The following THBS1 variants were observed in gnomAD, a reference collection of about 807,000 sequenced individuals.
THBS1 encodes thrombospondin 1, also known as thrombospondin-1.
A neutral mutation model predicts 126.1 loss-of-function variants in THBS1; 29 were observed. That is an observed-to-expected ratio of 0.23 (90% CI 0.17 to 0.31). THBS1 has a LOEUF of 0.31. Among genes scored for constraint, THBS1 ranks in the 10% least tolerant of loss-of-function variants. The pLI is 1.00. For missense variants in THBS1, 1,198 were observed against 1,545.2 expected, an observed-to-expected ratio of 0.78 and a Z score of 3.77; for synonymous variants, 496 against 577.8, an observed-to-expected ratio of 0.86 and a Z score of 2.03.
intron 16 of THBS1, 111 bp downstream of exon 16, chr15:39,591,734 C>T: frequency 9.7e-7 from 1 of 1,026,866 alleles, no homozygotes; most frequent in East Asian, 2.4e-5. Flanking sequence ...TACTGTGGCT[C>T]CCTGGCTTCT....
chr15:39,591,717 CT>C (rs777416835), intron 16 of THBS1, 94 bp downstream of exon 16: 42 of 1,168,336 alleles, frequency 3.6e-5, no homozygotes, highest in Non-Finnish European at 4.8e-5. Context: ...AGTTCAAACA[CT>C]TTCATTACTG....
intron 9 of THBS1, 38 bp downstream of exon 9, chr15:39,588,256 G>A (rs1275983901): frequency 6.3e-7 from 1 of 1,599,672 alleles, no homozygotes; most frequent in African/African-American, 1.3e-5. Context: ...AGCATGGGCA[G>A]CAGCTCTGCC....
intron 6 of THBS1, among the ~76,000 whole-genome samples, chr15:39,584,742 A>AT (rs5812128): frequency 0.38 from 57,902 of 151,292 alleles, 13,107 homozygotes; most frequent in African/African-American, 0.64. Flanking sequence ...TGGAACATTC[A>AT]TTTTTTTTTC....
At position 39,594,230 on chromosome 15, in the gene THBS1, C is replaced by A. The variant is rs368548043; in HGVS notation, c.3365+34C>A. ...ATACTGATTCACTTTCACTTACAGT[C>A]ACACTGAGGGACAAAAAGACAAAAA... On this transcript the variant is annotated intron_variant, in intron 20 of 21. Transcript: ENST00000260356. This position sits in a 1 kb window ranked among gnomAD's most constrained non-coding sequence, Gnocchi z 4.4. The A allele has an allele frequency of 2.5e-6, 4 of 1,613,744 alleles. No homozygotes were observed. The highest frequency in any genetic ancestry group is 3.4e-6 in the Non-Finnish European group (4 of 1,179,716).
In THBS1 at chr15:39,599,330, A is replaced by C. The variant is rs1595518348; in HGVS notation, c.*3961A>C. 1 of 152,180 alleles carries C rather than the reference A, an allele frequency of 6.6e-6. No individual in the cohort carries two copies. 9.4% of individuals were successfully genotyped at this position (152,180 alleles called of 1,614,324 possible). Reference sequence around the variant, plus strand: ...AATGGTCCCACCTCTTTTATGGCAGAATTCATTACTTAAAATAACTCTATT... The same window carrying C: ...AATGGTCCCACCTCTTTTATGGCAGCATTCATTACTTAAAATAACTCTATT... On this transcript the variant is annotated 3_prime_UTR_variant, in exon 22 of 22. Coordinates refer to ENST00000260356, the MANE Select transcript of THBS1 (RefSeq NM_003246.4).
intron 21 of THBS1, 33 bp from the exon 22 acceptor site, chr15:39,595,329 T>C: frequency 7.6e-7 from 1 of 1,324,502 alleles, no homozygotes; most frequent in Non-Finnish European, 1.0e-6. Context: ...TAGTTTTCAT[T>C]TGTATATTTA....
In THBS1 at chr15:39,594,538, T is replaced by C. The variant is rs1041285351; in HGVS notation, c.3505+98T>C. On this transcript the variant is annotated intron_variant, in intron 21 of 21. Transcript: ENST00000260356. The surrounding 1 kb of genome is among the most constrained non-coding windows in gnomAD (Gnocchi z 4.4). ...GGGGAGTCCAGTGTAAAGACTGTTTTGGAGACAGGGTTATTTCTATTTTGC... is the reference window on the plus strand; with the variant it reads ...GGGGAGTCCAGTGTAAAGACTGTTTCGGAGACAGGGTTATTTCTATTTTGC... 1 of 1,489,586 alleles carries C rather than the reference T, an allele frequency of 6.7e-7. No homozygotes were observed. The allele number at this position is 1,489,586 out of a possible 1,614,324, so 92.3% of individuals were successfully genotyped here.
intron 13 of THBS1, 117 bp from the exon 14 acceptor site, chr15:39,590,399 T>C: frequency 1.3e-6 from 1 of 767,988 alleles, no homozygotes; most frequent in Non-Finnish European, 2.1e-6. Flanking sequence ...AAAAATATGC[T>C]GTTACTGAGC....
In THBS1 at chr15:39,595,333, A is replaced by G. The variant is rs762449244; in HGVS notation, c.3506-29A>G. On this transcript the variant is annotated intron_variant, in intron 21 of 21. Coordinates refer to ENST00000260356, the MANE Select transcript of THBS1 (RefSeq NM_003246.4). The stretch of plus-strand genomic sequence containing the variant: ...CTTTTATGAATTAGTTTTCATTTGT[A>G]TATTTATTTATATTTGTTTATTTAA... 4.0e-5 allele frequency: 54 copies of G among 1,342,076 alleles called. No individual in the cohort carries two copies. The Middle Eastern group carries it at 1.9e-3, about 48-fold the overall frequency. 83.1% of individuals were successfully genotyped at this position (1,342,076 alleles called of 1,614,324 possible).
intron 6 of THBS1, 121 bp downstream of exon 6, chr15:39,584,543 G>GC: frequency 8.4e-7 from 1 of 1,196,470 alleles, no homozygotes; most frequent in Non-Finnish European, 1.1e-6. Context: ...ATAACAAAGT[G>GC]TTTTTTTTTT....
At chr15:39,587,913 T>C (rs1233178057) in intron 8 of THBS1, 129 bp from the exon 9 acceptor site, 5 of 905,090 alleles carry the variant, frequency 5.5e-6, no homozygotes, top group Non-Finnish European at 6.6e-6. Flanking sequence ...AGGAGCCAAT[T>C]TCTACCGTAC....
At position 39,596,219 on chromosome 15, in the gene THBS1, C is replaced by T. The variant is rs1369754687; in HGVS notation, c.*850C>T. The T allele has an allele frequency of 2.9e-5, 5 of 172,462 alleles. No homozygotes were observed. Among genetic ancestry groups the T allele is most frequent in the African/African-American group, 1.2e-4 (5 of 41,988 alleles). The allele number at this position is 172,462 out of a possible 1,614,324, so 10.7% of individuals were successfully genotyped here. On this transcript the variant is annotated 3_prime_UTR_variant, in exon 22 of 22. Coordinates refer to ENST00000260356, the MANE Select transcript of THBS1 (RefSeq NM_003246.4). ...TACCATCTCAGTGAGCACCAGCTGC[C>T]TCCCAAAGGAGGGGCAGCCGTGCTT...
chr15:39,585,593 T>TC (rs748971694), intron 7 of THBS1, 30 bp downstream of exon 7: 2 of 1,601,556 alleles, frequency 1.2e-6, no homozygotes, highest in South Asian at 2.2e-5. Flanking sequence ...TAGCTATTCT[T>TC]CAGTGACTAG....
Position 39,585,563 on chromosome 15 carries a change from C to G in THBS1, c.1120C>G (p.Pro374Ala). 6.2e-7 allele frequency: 1 copy of G among 1,613,692 alleles called. No individual in the cohort carries two copies. The highest frequency in any genetic ancestry group is 8.5e-7 in the Non-Finnish European group (1 of 1,179,906). The change falls in exon 7 of 22, where the codon CCC becomes GCC. Residue 374 changes from proline to alanine, a missense_variant and splice_region_variant. Physicochemically the swap from Pro to Ala is conservative, Grantham distance 27 (BLOSUM62 -1). Around this residue, in one of 4 missense-constraint regions of THBS1, gnomAD observed 663 missense variants for 860.1 expected, o/e 0.77. Transcript: ENST00000260356. ...TGGAGAATGCTGTCCTCGCTGTTGG[C>G]GTAAGTTTCTCAAATGGCATAGCTA... ...PDGECCPRCW[P>A]SDSADDGWSP...
chr15:39,595,404 C>T lies in THBS1; in HGVS notation c.*35C>T. 6.7e-7 allele frequency: 1 copy of T among 1,500,624 alleles called. No individual in the cohort carries two copies. The highest frequency in any genetic ancestry group is 8.9e-7 in the Non-Finnish European group (1 of 1,123,352). The allele number at this position is 1,500,624 out of a possible 1,614,324, so 93.0% of individuals were successfully genotyped here. On this transcript the variant is annotated 3_prime_UTR_variant, in exon 22 of 22. Coordinates refer to ENST00000260356, the MANE Select transcript of THBS1 (RefSeq NM_003246.4). ...TGTTGATTGAAAGACTGATCATAAA[C>T]CAATGCTGGTATTGCACCTTCTGGA...
chr15:39,592,791 A>G lies in THBS1; in HGVS notation c.2756A>G (p.Lys919Arg). The G allele has an allele frequency of 6.2e-7, 1 of 1,613,344 alleles. No individual in the cohort carries two copies. Among genetic ancestry groups the G allele is most frequent in the South Asian group, 1.1e-5 (1 of 90,924 alleles). The change falls in exon 17 of 22, where the codon AAG becomes AGG. Residue 919 changes from lysine to arginine, a missense_variant. Lys to Arg is a conservative substitution (Grantham distance 26, BLOSUM62 2). This residue lies in a region of THBS1 where 255 missense variants were observed against 373.9 expected (regional missense o/e 0.68). Coordinates refer to ENST00000260356, the MANE Select transcript of THBS1 (RefSeq NM_003246.4). The surrounding 1 kb of genome is among the most constrained non-coding windows in gnomAD (Gnocchi z 4.3). ...NCRLVPNPDQ[K>R]DSDGDGRGDA... ...AGACTCGTGCCCAATCCCGACCAGAAGGACTCTGACGGTGAGTCATGGGAG... is the reference window on the plus strand; with the variant it reads ...AGACTCGTGCCCAATCCCGACCAGAGGGACTCTGACGGTGAGTCATGGGAG...
At position 39,598,460 on chromosome 15, in the gene THBS1, A is replaced by G. The variant is rs891614580; in HGVS notation, c.*3091A>G. The stretch of plus-strand genomic sequence containing the variant: ...AGGAAATAATTCTTTGAAATGGCAA[A>G]GAATTAAATACCATCATTCATTATC... On this transcript the variant is annotated 3_prime_UTR_variant, in exon 22 of 22. Transcript: ENST00000260356. The G allele has an allele frequency of 6.6e-6, 1 of 152,250 alleles. No homozygotes were observed. Among genetic ancestry groups the G allele is most frequent in the African/African-American group, 2.4e-5 (1 of 41,458 alleles). 9.4% of individuals were successfully genotyped at this position (152,250 alleles called of 1,614,324 possible).
At chr15:39,590,256 A>G (rs899288290) in intron 13 of THBS1, among the ~76,000 whole-genome samples, 4 of 152,208 alleles carry the variant, frequency 2.6e-5, no homozygotes, top group African/African-American at 9.7e-5. Context: ...TGTCCAAAAA[A>G]AAGTTCAGTA....
At chr15:39,583,756 G>A (rs1186808692) in intron 4 of THBS1, 64 bp downstream of exon 4, 7 of 1,534,696 alleles carry the variant, frequency 4.6e-6, no homozygotes, top group Non-Finnish European at 6.3e-6. Context: ...AAAACAAACT[G>A]AGGAATTTAG....
Sources: allele counts gnomAD v4.1 joint callset (sites outside exome capture counted in the v4.1 genomes callset), GRCh38; gene constraint gnomAD v4.1.1; regional missense constraint gnomAD v4.1.1; non-coding constraint Gnocchi (gnomAD v3.1); transcripts MANE v1.5; gene names NCBI Gene and HGNC (gene_info 2026-07-23, HGNC 2026-07-21).